Variants in USP45 observed in about 807,000 individuals in gnomAD.
The protein encoded by USP45 is ubiquitin carboxyl-terminal hydrolase 45.
In USP45, 89 loss-of-function variants were observed where a neutral mutation model predicts 95.8. The observed-to-expected ratio is 0.93, with a 90% CI of 0.78 to 1.11. The LOEUF is 1.11. Among genes scored for constraint, USP45 ranks in the 50% least tolerant of loss-of-function variants. USP45 has a pLI of 0.00. For synonymous variants in USP45, 281 were observed against 316.2 expected, an observed-to-expected ratio of 0.89 and a Z score of 1.18; for missense variants, 898 against 942.5, an observed-to-expected ratio of 0.95 and a Z score of 0.62.
Position 99,482,896 on chromosome 6 carries a change from G to C in USP45, c.715-13C>G, listed in dbSNP as rs781658988. On this transcript the variant is annotated splice_polypyrimidine_tract_variant and intron_variant, in intron 7 of 17. Transcript: ENST00000500704. ...CCACCAATGGGTCCTTTAAAAACAT[G>C]ATCAACTCTATGTCAGAAATGTACA... 6.7e-7 allele frequency: 1 copy of C among 1,493,514 alleles called. No homozygotes were observed. Among genetic ancestry groups the C allele is most frequent in the Non-Finnish European group, 8.9e-7 (1 of 1,122,784 alleles). The allele number at this position is 1,493,514 out of a possible 1,614,324, so 92.5% of individuals were successfully genotyped here.
intron 8 of USP45, 50 bp downstream of exon 8, chr6:99,482,703 T>C (rs1167761966): frequency 6.6e-7 from 1 of 1,516,618 alleles, no homozygotes; most frequent in Non-Finnish European, 8.9e-7. Flanking sequence ...GATGAATACA[T>C]TAGTATTTTG....
rs762178261 is a variant in USP45, at chr6:99,466,687, A to C, written c.1092T>G (p.Cys364Trp). The C allele has an allele frequency of 3.7e-6, 6 of 1,613,048 alleles. No homozygotes were observed. The East Asian group carries it at 1.3e-4, about 36-fold the overall frequency. ...AAGTACCTACATTTGCACATTCTTC[A>C]CACATGACCGTGCTAGTTAATTCAC... Reference protein sequence around the residue: ...FIGELTSTVMCEECANISTVK... With the variant: ...FIGELTSTVMWEECANISTVK... Residue 364 changes from cysteine (C) to tryptophan (W), a missense_variant, in exon 11 of 18, where the codon TGT (cysteine) becomes TGG (tryptophan). Coordinates refer to ENST00000500704, the MANE Select transcript of USP45 (RefSeq NM_001346022.3).
intron 14 of USP45, 145 bp downstream of exon 14, chr6:99,445,652 G>A (rs546014563): frequency 3.9e-5 from 24 of 617,254 alleles, no homozygotes; most frequent in Admixed American, 1.4e-4. Flanking sequence ...TATTGTAAGC[G>A]CTCAGGTACA....
At chr6:99,482,937 A>G in intron 7 of USP45, 54 bp from the exon 8 acceptor site, 5 of 1,370,298 alleles carry the variant, frequency 3.6e-6, no homozygotes, top group Non-Finnish European at 4.8e-6. Context: ...AAAATAACAT[A>G]TTAAAAATCT....
chr6:99,462,811 T>G (rs1786807842), intron 13 of USP45: 2 of 429,664 alleles, frequency 4.7e-6, no homozygotes, highest in South Asian at 1.4e-4. Flanking sequence ...GACAAAACCC[T>G]ATCTCTACAA....
At chr6:99,501,139 A>G (rs1797263742) in intron 5 of USP45, among the ~76,000 whole-genome samples, 1 of 151,426 alleles carries the variant, frequency 6.6e-6, no homozygotes, top group South Asian at 2.1e-4. Flanking sequence ...CTCCCTCACT[A>G]CATGTAATCC....
intron 13 of USP45, among the ~76,000 whole-genome samples, chr6:99,455,306 G>A (rs562247194): frequency 5.3e-5 from 8 of 151,916 alleles, no homozygotes; most frequent in East Asian, 3.9e-4. Context: ...TTAGCTGGGC[G>A]TGGTGGCACA....
chr6:99,489,020 C>T (rs1370379823), intron 5 of USP45, among the ~76,000 whole-genome samples, 200 bp from the exon 6 acceptor site: 1 of 152,084 alleles, frequency 6.6e-6, no homozygotes. Context: ...CTTTAGTATA[C>T]AGATCTGCAC....
At chr6:99,436,776 C>T (rs890745944) in intron 17 of USP45, among the ~76,000 whole-genome samples, 2 of 152,144 alleles carry the variant, frequency 1.3e-5, no homozygotes, top group Non-Finnish European at 2.9e-5. Flanking sequence ...TTGAGATTTT[C>T]TAGGCACTCC....
In USP45 at chr6:99,479,601, C is replaced by CAAAAAAA. The variant is rs34635892; in HGVS notation, c.845+3145_845+3151dup. Among the ~76,000 whole-genome samples, 470 of 116,232 alleles carry CAAAAAAA rather than the reference C, an allele frequency of 4.0e-3. 1 individual carries two copies. Among genetic ancestry groups the CAAAAAAA allele is most frequent in the African/African-American group, 6.4e-3 (193 of 30,124 alleles). The allele number at this position is 116,232 out of a possible 152,430, so 76.3% of individuals were successfully genotyped here. ...CAATACAATTTACTATTCCAACAGA[C>CAAAAAAA]AAAAAAAAAAAAAAAAAAGATTATT... On this transcript the variant is annotated intron_variant, in intron 8 of 17. Transcript: ENST00000500704.
chr6:99,474,691 G>C (rs2128669988), intron 9 of USP45, among the ~76,000 whole-genome samples: 1 of 152,282 alleles, frequency 6.6e-6, no homozygotes, highest in East Asian at 1.9e-4. Flanking sequence ...ACAATGGTGT[G>C]CTCAGAAAAT....
chr6:99,439,942 G>GACTT lies in USP45; in HGVS notation c.2074-91_2074-88dup. ...ACTAAAACCAAAAGAGAAATTGTAG[G>GACTT]ACTTAGTTTTTTCATAGATAAAAAA... On this transcript the variant is annotated intron_variant, in intron 15 of 17. Transcript: ENST00000500704. 3.0e-6 allele frequency: 3 copies of GACTT among 998,532 alleles called. No individual in the cohort carries two copies. The Admixed American group carries it at 8.2e-5, about 27-fold the overall frequency. The allele number at this position is 998,532 out of a possible 1,614,324, so 61.9% of individuals were successfully genotyped here. A position where few individuals can be genotyped will look rare whatever the true frequency, so the allele number is the denominator to read the frequency against.
At chr6:99,477,015 C>G (rs1230821936) in intron 8 of USP45, among the ~76,000 whole-genome samples, 1 of 152,060 alleles carries the variant, frequency 6.6e-6, no homozygotes, top group African/African-American at 2.4e-5. Context: ...AACATTTTGC[C>G]TTAAGTGCAG....
At chr6:99,499,143 A>G (rs1796887840) in intron 5 of USP45, among the ~76,000 whole-genome samples, 1 of 152,210 alleles carries the variant, frequency 6.6e-6, no homozygotes, top group Admixed American at 6.5e-5. Flanking sequence ...GACATGCTTT[A>G]AAGAGAAAGA....
intron 12 of USP45, 126 bp from the exon 13 acceptor site, chr6:99,464,873 T>C (rs1787538307): frequency 1.7e-6 from 2 of 1,201,194 alleles, no homozygotes; most frequent in East Asian, 2.6e-5. Context: ...AAAAAGTGTT[T>C]AAGAGTTTAA....
intron 9 of USP45, among the ~76,000 whole-genome samples, chr6:99,473,437 T>TGA (rs1468715324): frequency 1.3e-5 from 2 of 151,306 alleles, no homozygotes; most frequent in Non-Finnish European, 2.9e-5. Context: ...ATCCCAGCTA[T>TGA]TCAGGAGGCT....
At chr6:99,447,001 C>T (rs1005221099) in intron 13 of USP45, among the ~76,000 whole-genome samples, 1 of 152,184 alleles carries the variant, frequency 6.6e-6, no homozygotes, top group East Asian at 1.9e-4. Context: ...ACCTTGGCTT[C>T]CCAAAGGAGA....
intron 5 of USP45, among the ~76,000 whole-genome samples, chr6:99,497,501 C>A (rs1277204314): frequency 6.6e-6 from 1 of 152,124 alleles, no homozygotes; most frequent in African/African-American, 2.4e-5. Context: ...AGCTTGGAAC[C>A]AAATAATAAT....
chr6:99,511,877 ATAT>A (rs1201521309), intron 1 of USP45, among the ~76,000 whole-genome samples: 1 of 141,546 alleles, frequency 7.1e-6, no homozygotes, highest in African/African-American at 2.6e-5. Flanking sequence ...ATATATATAT[ATAT>A]ATATATACAC....
Sources: allele counts gnomAD v4.1 joint callset (sites outside exome capture counted in the v4.1 genomes callset), GRCh38; gene constraint gnomAD v4.1.1; transcripts MANE v1.5; gene names NCBI Gene and HGNC (gene_info 2026-07-23, HGNC 2026-07-21).